The following SYNPO2 variants were observed in gnomAD, a reference collection of about 807,000 sequenced individuals.
SYNPO2 encodes the protein synaptopodin-2.
SYNPO2 carries 56 observed loss-of-function variants against 85.0 expected under a neutral mutation model. The ratio of observed to expected loss-of-function variants is 0.66; its 90% CI spans 0.53 to 0.82. The LOEUF (loss-of-function observed/expected upper bound fraction) is 0.82. Among genes scored for constraint, SYNPO2 ranks in the 40% least tolerant of loss-of-function variants. SYNPO2 has a pLI of 0.00. For missense variants in SYNPO2, 1,575 were observed against 1,534.2 expected, an observed-to-expected ratio of 1.03 and a Z score of -0.44; for synonymous variants, 602 against 591.1, an observed-to-expected ratio of 1.02 and a Z score of -0.27.
In SYNPO2 at chr4:119,058,040, C is replaced by A; in HGVS notation, c.*106C>A. The stretch of plus-strand genomic sequence containing the variant: ...GATTTAGATTCACTTTTGGTCTTGG[C>A]TTGTTCTCATAAGTCATTTATCTAA... On this transcript the variant is annotated 3_prime_UTR_variant, in exon 5 of 5. Coordinates refer to ENST00000307142, the MANE Select transcript of SYNPO2 (RefSeq NM_133477.3). The A allele has an allele frequency of 1.6e-6, 2 of 1,275,652 alleles. No homozygotes were observed. Among genetic ancestry groups the A allele is most frequent in the Non-Finnish European group, 2.1e-6 (2 of 937,228 alleles). The allele number at this position is 1,275,652 out of a possible 1,614,324, so 79.0% of individuals were successfully genotyped here. A position where few individuals can be genotyped will look rare whatever the true frequency, so the allele number is the denominator to read the frequency against.
At chr4:118,923,760 A>T (rs76880172) in intron 1 of SYNPO2, among the ~76,000 whole-genome samples, 379 of 152,122 alleles carry the variant, frequency 2.5e-3, no homozygotes, top group African/African-American at 7.9e-3. Context: ...CTTAGGAGAG[A>T]TATTGGCTCT....
Position 119,057,469 on chromosome 4 carries a change from A to AT in SYNPO2, c.3322dup (p.Tyr1108LeufsTer6), listed in dbSNP as rs1473474426. On this transcript the variant is annotated frameshift_variant, in exon 5 of 5. Transcript: ENST00000307142. LOFTEE classifies it low-confidence loss of function (END_TRUNC). ...CCCCCATTTCTACATCTCCTTGGGT[A>AT]TACCAGCCTACTTATAGTTACTCTA... 1 of 1,614,014 alleles carries AT rather than the reference A, an allele frequency of 6.2e-7. No individual in the cohort carries two copies.
rs373886707 is a variant in SYNPO2 at position 119,057,517 on chromosome 4, G to T, written c.3369G>T (p.Glu1123Asp). 9 of 1,614,012 alleles carry T rather than the reference G, an allele frequency of 5.6e-6. No homozygotes were observed. The highest frequency in any genetic ancestry group is 1.7e-5 in the Admixed American group (1 of 60,004). ...SYSSKPTDGLEKANKRPTPWE... is the reference protein window; with the variant it reads ...SYSSKPTDGLDKANKRPTPWE... ...CTAGTAAACCAACCGATGGACTAGAGAAAGCAAACAAGAGACCAACTCCTT... is the reference window on the plus strand; with the variant it reads ...CTAGTAAACCAACCGATGGACTAGATAAAGCAAACAAGAGACCAACTCCTT... Residue 1123 changes from glutamate to aspartate, a missense_variant, in exon 5 of 5, where the codon GAG (glutamate) becomes GAT (aspartate). By Grantham distance (45) the Glu-to-Asp change is conservative (BLOSUM62 2). Coordinates refer to ENST00000307142, the MANE Select transcript of SYNPO2 (RefSeq NM_133477.3).
At chr4:118,903,836 C>T (rs922945793) in intron 1 of SYNPO2, among the ~76,000 whole-genome samples, 12 of 151,960 alleles carry the variant, frequency 7.9e-5, no homozygotes, top group African/African-American at 1.5e-4. Flanking sequence ...CTCAGCCTCC[C>T]GAGTCGCTGG....
chr4:118,898,544 A>G (rs1179260777), intron 1 of SYNPO2, among the ~76,000 whole-genome samples: 2 of 152,250 alleles, frequency 1.3e-5, no homozygotes, highest in African/African-American at 2.4e-5. Flanking sequence ...TAAGCACTTT[A>G]GGAATTATTT....
At chr4:119,053,976 A>G (rs1739130656) in intron 4 of SYNPO2, among the ~76,000 whole-genome samples, 1 of 152,158 alleles carries the variant, frequency 6.6e-6, no homozygotes, top group South Asian at 2.1e-4. Flanking sequence ...ATCTTTTAAA[A>G]TACCTAAATA....
intron 1 of SYNPO2, among the ~76,000 whole-genome samples, chr4:119,014,722 C>T (rs1737461723): frequency 6.6e-6 from 1 of 152,144 alleles, no homozygotes; most frequent in South Asian, 2.1e-4. Context: ...CTCTTAAACA[C>T]CGATGATGGC....
At chr4:118,951,750 T>C (rs181884420) in intron 1 of SYNPO2, among the ~76,000 whole-genome samples, 12 of 152,302 alleles carry the variant, frequency 7.9e-5, no homozygotes, top group Admixed American at 5.9e-4. Context: ...CATAATAAAA[T>C]TCATGTTGTA....
intron 1 of SYNPO2, among the ~76,000 whole-genome samples, chr4:118,878,456 TGGAAG>T (rs1731967975): frequency 6.6e-6 from 1 of 152,070 alleles, no homozygotes; most frequent in Non-Finnish European, 1.5e-5. Flanking sequence ...ACTGAGTTGG[TGGAAG>T]GGAGAGGTGA....
intron 1 of SYNPO2, among the ~76,000 whole-genome samples, chr4:119,017,849 G>A (rs1043290500): frequency 2.0e-5 from 3 of 152,096 alleles, no homozygotes; most frequent in African/African-American, 4.8e-5. Flanking sequence ...ACAGCAAGCT[G>A]GCATGATTGA....
chr4:119,043,336 A>G (rs1738775228), intron 4 of SYNPO2: 1 of 152,202 alleles, frequency 6.6e-6, no homozygotes, highest in South Asian at 2.1e-4. Flanking sequence ...CTAAGATTAC[A>G]TATCCATAGC....
chr4:118,877,326 A>G (rs1731944508), intron 1 of SYNPO2, among the ~76,000 whole-genome samples: 1 of 152,178 alleles, frequency 6.6e-6, no homozygotes, highest in African/African-American at 2.4e-5. Flanking sequence ...GAAGACACCA[A>G]AAGCAATTTT....
intron 1 of SYNPO2, among the ~76,000 whole-genome samples, chr4:118,965,878 T>C (rs1016133299): frequency 1.3e-5 from 2 of 149,850 alleles, no homozygotes; most frequent in African/African-American, 4.9e-5. Context: ...AGCCCAGGAG[T>C]TCAAGACCCG....
At chr4:118,935,763 T>C (rs1734079670) in intron 1 of SYNPO2, among the ~76,000 whole-genome samples, 1 of 152,252 alleles carries the variant, frequency 6.6e-6, no homozygotes, top group South Asian at 2.1e-4. Context: ...TAATATCTTG[T>C]ACACTATATA....
At chr4:118,864,897 A>C (rs1018872659) in intron 1 of SYNPO2, among the ~76,000 whole-genome samples, 2 of 152,200 alleles carry the variant, frequency 1.3e-5, no homozygotes, top group Admixed American at 1.3e-4. Context: ...TGAATAAGTA[A>C]GATACTGATA....
chr4:119,051,190 T>TTTTG lies in SYNPO2; in HGVS notation c.3253-6208_3253-6207insGTTT, dbSNP rs1256101653. ...GGGGTAAAGCCATGGGAAGCAATTT[T>TTTTG]TTTTTTTTTTTTTTTTTGAGACGGA... On this transcript the variant is annotated intron_variant, in intron 4 of 4. Coordinates refer to ENST00000307142, the MANE Select transcript of SYNPO2 (RefSeq NM_133477.3). Among the ~76,000 whole-genome samples the TTTTG allele has an allele frequency of 3.6e-4, 48 of 134,892 alleles. 2 individuals are homozygous for TTTTG. Among genetic ancestry groups the TTTTG allele is most frequent in the African/African-American group, 1.3e-3 (46 of 36,024 alleles). The allele number at this position is 134,892 out of a possible 152,430, so 88.5% of individuals were successfully genotyped here.
At chr4:118,898,024 A>G (rs1578528835) in intron 1 of SYNPO2, among the ~76,000 whole-genome samples, 1 of 152,214 alleles carries the variant, frequency 6.6e-6, no homozygotes, top group East Asian at 1.9e-4. Flanking sequence ...GAAGTAGGCT[A>G]GAAACATTTA....
chr4:118,974,102 A>G lies in SYNPO2; in HGVS notation c.106-49328A>G, dbSNP rs140940965. On this transcript the variant is annotated intron_variant, in intron 1 of 4. Transcript: ENST00000307142. ...GAGAGTTAAACATAGCTAAATATTA[A>G]ACCTGGACAATAATTATGTTTGAGC... Among the ~76,000 whole-genome samples, 404 of 152,332 alleles carry G rather than the reference A, an allele frequency of 2.7e-3. 3 individuals carry two copies. The highest frequency in any genetic ancestry group is 8.6e-3 in the African/African-American group (356 of 41,570).
chr4:118,869,049 T>C (rs955958419), intron 1 of SYNPO2, among the ~76,000 whole-genome samples: 4 of 152,112 alleles, frequency 2.6e-5, no homozygotes, highest in African/African-American at 4.8e-5. Context: ...CACTGTAGGA[T>C]TGCAAAAAGA....
Sources: gnomAD v4.1 joint callset for allele counts (sites outside exome capture counted in the v4.1 genomes callset) on GRCh38, gnomAD v4.1.1 for gene constraint, MANE v1.5 for transcripts, NCBI Gene and HGNC (gene_info 2026-07-23, HGNC 2026-07-21) for gene names.